ADGRB3: variants seen among roughly 807,000 people sequenced by gnomAD.
ADGRB3 encodes the protein brain-specific angiogenesis inhibitor 3.
ADGRB3 carries 37 observed loss-of-function variants against 193.4 expected under a neutral mutation model. The ratio of observed to expected loss-of-function variants is 0.19; its 90% CI spans 0.15 to 0.25. The LOEUF (loss-of-function observed/expected upper bound fraction) is 0.25, where lower values mean the gene tolerates loss of function less well. ADGRB3 is among the 10% of genes least tolerant of loss of function. The probability of loss-of-function intolerance (pLI) is 1.00; values close to 1 mark genes in which losing one functional copy is unlikely to be tolerated. For missense variants in ADGRB3, 1,637 were observed against 1,852.9 expected, an observed-to-expected ratio of 0.88 and a Z score of 2.14; for synonymous variants, 690 against 644.2, an observed-to-expected ratio of 1.07 and a Z score of -1.08.
At chr6:69,296,608 T>TCATG (rs1489725291) in intron 20 of ADGRB3, among the ~76,000 whole-genome samples, 2 of 152,160 alleles carry the variant, frequency 1.3e-5, no homozygotes, top group East Asian at 3.9e-4. Context: ...AAGTGAATAG[T>TCATG]CATGTTCTCA....
intron 17 of ADGRB3, among the ~76,000 whole-genome samples, chr6:69,157,405 C>T (rs1450232391): frequency 6.6e-6 from 1 of 152,158 alleles, no homozygotes; most frequent in Non-Finnish European, 1.5e-5. Flanking sequence ...TTGTACATTG[C>T]TCAAAGAAAT....
chr6:69,071,052 G>A (rs933511463), intron 16 of ADGRB3, among the ~76,000 whole-genome samples: 1 of 152,104 alleles, frequency 6.6e-6, no homozygotes, highest in African/African-American at 2.4e-5. Flanking sequence ...CATGAGGCAG[G>A]GACTTAGTTT....
intron 3 of ADGRB3, among the ~76,000 whole-genome samples, chr6:68,888,915 A>T (rs1765991042): frequency 6.6e-6 from 1 of 152,108 alleles, no homozygotes; most frequent in African/African-American, 2.4e-5. Context: ...TTACTTTTCT[A>T]TTTTGATTTT....
intron 13 of ADGRB3, among the ~76,000 whole-genome samples, chr6:69,034,065 T>C (rs1301670341): frequency 6.6e-6 from 1 of 152,028 alleles, no homozygotes; most frequent in Non-Finnish European, 1.5e-5. Flanking sequence ...GAATACATAA[T>C]TGAGACTAAG....
At chr6:68,831,958 TTAA>T (rs1230290566) in intron 3 of ADGRB3, among the ~76,000 whole-genome samples, 1 of 152,174 alleles carries the variant, frequency 6.6e-6, no homozygotes. Context: ...ACATGCAGAC[TTAA>T]TGATGGCATT....
intron 16 of ADGRB3, among the ~76,000 whole-genome samples, chr6:69,069,066 A>G (rs181089147): frequency 3.9e-5 from 6 of 152,252 alleles, no homozygotes. Flanking sequence ...TGTGTCTTTT[A>G]AGGCTTTAGG....
intron 19 of ADGRB3, among the ~76,000 whole-genome samples, chr6:69,236,132 C>T (rs576809711): frequency 5.8e-4 from 88 of 151,870 alleles, no homozygotes; most frequent in African/African-American, 2.0e-3. Context: ...TTTAAAAAGA[C>T]CATTTTACTT....
At chr6:68,852,382 G>GA (rs1487654489) in intron 3 of ADGRB3, among the ~76,000 whole-genome samples, 1 of 151,852 alleles carries the variant, frequency 6.6e-6, no homozygotes. Context: ...AAGTAACATT[G>GA]AAAAATTATA....
chr6:69,038,828 A>G (rs1290447881), intron 13 of ADGRB3, among the ~76,000 whole-genome samples: 3 of 152,250 alleles, frequency 2.0e-5, no homozygotes, highest in South Asian at 4.1e-4. Flanking sequence ...TAGCCTGTTC[A>G]AGGTTCAGTA....
chr6:68,789,621 A>G (rs1304090535), intron 3 of ADGRB3, among the ~76,000 whole-genome samples: 1 of 152,086 alleles, frequency 6.6e-6, no homozygotes, highest in African/African-American at 2.4e-5. Flanking sequence ...GAATCTGACA[A>G]TTATGTGTCT....
rs113752128 is a variant in ADGRB3 at position 69,332,940 on chromosome 6, C to A, written c.3120C>A (p.Gly1040=). 12 of 1,613,668 alleles carry A rather than the reference C, an allele frequency of 7.4e-6. No individual in the cohort carries two copies. In the African/African-American group the frequency reaches 1.5e-4, roughly 20 times the overall value. Residue 1040 remains glycine (G), a synonymous_variant, in exon 24 of 32, where the codon GGC becomes GGA. Coordinates refer to ENST00000370598, the MANE Select transcript of ADGRB3 (RefSeq NM_001704.3). ...AAVVLVNMVI[G]ILVFNKLVSR... Reference sequence around the variant, plus strand: ...TTTGACAGGTCAACATGGTGATTGGCATTTTGGTATTTAATAAACTTGTTT... The same window carrying A: ...TTTGACAGGTCAACATGGTGATTGGAATTTTGGTATTTAATAAACTTGTTT...
intron 17 of ADGRB3, among the ~76,000 whole-genome samples, chr6:69,186,332 A>G (rs1765066276): frequency 1.3e-5 from 2 of 151,992 alleles, no homozygotes; most frequent in South Asian, 4.1e-4. Context: ...TTTTATTTGT[A>G]TTTTTCATAG....
chr6:69,144,638 A>T (rs1774429560), intron 17 of ADGRB3, among the ~76,000 whole-genome samples: 1 of 152,194 alleles, frequency 6.6e-6, no homozygotes, highest in Admixed American at 6.5e-5. Flanking sequence ...ATATTATCAG[A>T]TGATTTTCCA....
At chr6:68,893,817 G>T (rs1484646176) in intron 3 of ADGRB3, among the ~76,000 whole-genome samples, 1 of 151,654 alleles carries the variant, frequency 6.6e-6, no homozygotes, top group South Asian at 2.1e-4. Context: ...AAATAACATT[G>T]GAATTTATAA....
rs186099640 is a variant in ADGRB3, at chr6:69,315,271, T to C, written c.2815-9601T>C. ...TGAGTGTATAACTTCAGACAAGTTA[T>C]TTAAACTCTCTGAGCTTCATTTTCT... On this transcript the variant is annotated intron_variant, in intron 20 of 31. Transcript: ENST00000370598. Among the ~76,000 whole-genome samples the C allele has an allele frequency of 3.8e-3, 583 of 151,652 alleles. 1 individual carries two copies. The highest frequency in any genetic ancestry group is 5.9e-3 in the Non-Finnish European group (396 of 67,650).
rs556491803 is a variant in ADGRB3, at chr6:69,202,093, A to G, written c.2481-31197A>G. 3.3e-5 allele frequency among the ~76,000 whole-genome samples: 5 copies of G among 152,298 alleles called. No homozygotes were observed. In the South Asian group the frequency reaches 1.0e-3, roughly 32 times the overall value. ...TCCTTCCTCAGTGTTCTACAGAACC[A>G]GAAGTTGAAGTCACTCTTATCTTGA... On this transcript the variant is annotated intron_variant, in intron 17 of 31. Transcript: ENST00000370598.
intron 3 of ADGRB3, among the ~76,000 whole-genome samples, chr6:68,640,239 C>T (rs1370125277): frequency 1.3e-5 from 2 of 151,834 alleles, no homozygotes; most frequent in South Asian, 2.1e-4. Flanking sequence ...TTGACGTACA[C>T]GAAGAGAGGG....
intron 11 of ADGRB3, among the ~76,000 whole-genome samples, chr6:69,007,372 G>A (rs1226084454): frequency 6.6e-6 from 1 of 152,006 alleles, no homozygotes; most frequent in Admixed American, 6.6e-5. Flanking sequence ...GAACCACTGT[G>A]GGATCAAAGC....
chr6:68,908,905 T>A (rs963704668), intron 3 of ADGRB3, among the ~76,000 whole-genome samples: 1 of 152,174 alleles, frequency 6.6e-6, no homozygotes, highest in Non-Finnish European at 1.5e-5. Flanking sequence ...GCCTTGTGGT[T>A]AAATGGACAT....
Sources: allele counts gnomAD v4.1 joint callset (sites outside exome capture counted in the v4.1 genomes callset), GRCh38; gene constraint gnomAD v4.1.1; transcripts MANE v1.5; gene names NCBI Gene and HGNC (gene_info 2026-07-23, HGNC 2026-07-21).